Variants in ROBO2 observed in about 807,000 individuals in gnomAD.
ROBO2 encodes the protein roundabout homolog 2.
In ROBO2, 53 loss-of-function variants were observed where a neutral mutation model predicts 160.8. The ratio of observed to expected loss-of-function variants is 0.33; its 90% CI spans 0.26 to 0.41. ROBO2 has a LOEUF of 0.41. Among genes scored for constraint, ROBO2 ranks in the 10% least tolerant of loss-of-function variants. ROBO2 has a pLI of 1.00. For missense variants in ROBO2, 1,577 were observed against 1,722.4 expected, an observed-to-expected ratio of 0.92 and a Z score of 1.49; for synonymous variants, 664 against 611.7, an observed-to-expected ratio of 1.09 and a Z score of -1.26.
At chr3:76,276,869 G>C (rs1707955363) in intron 2 of ROBO2, among the ~76,000 whole-genome samples, 1 of 151,734 alleles carries the variant, frequency 6.6e-6, no homozygotes, top group South Asian at 2.1e-4. Context: ...AAATATTTCG[G>C]ATATTTTTGG....
chr3:77,582,486 A>G (rs951184105), intron 16 of ROBO2, among the ~76,000 whole-genome samples: 2 of 152,168 alleles, frequency 1.3e-5, no homozygotes, highest in African/African-American at 2.4e-5. Context: ...GTTTAGAATT[A>G]CTATCTTGCT....
At chr3:76,706,433 A>T (rs1289427114) in intron 2 of ROBO2, among the ~76,000 whole-genome samples, 1 of 152,016 alleles carries the variant, frequency 6.6e-6, no homozygotes, top group Admixed American at 6.6e-5. Flanking sequence ...TTGACTTTTG[A>T]GGTTGGAAAG....
At chr3:77,154,370 C>T (rs966922913) in intron 2 of ROBO2, among the ~76,000 whole-genome samples, 2 of 152,006 alleles carry the variant, frequency 1.3e-5, no homozygotes, top group Non-Finnish European at 2.9e-5. Flanking sequence ...TTTTTAGACG[C>T]TGGTGAGGCT....
At chr3:77,153,265 T>C (rs945219422) in intron 2 of ROBO2, among the ~76,000 whole-genome samples, 6 of 152,146 alleles carry the variant, frequency 3.9e-5, no homozygotes, top group African/African-American at 1.4e-4. Context: ...GAATTCAATA[T>C]CGTTACTGGT....
At chr3:76,024,384 A>T (rs917935405) in intron 2 of ROBO2, among the ~76,000 whole-genome samples, 23 of 150,556 alleles carry the variant, frequency 1.5e-4, no homozygotes, top group African/African-American at 5.1e-4. Context: ...TTTTTTTTTT[A>T]AAAACCTTGA....
At chr3:77,246,491 C>A (rs2089745751) in intron 2 of ROBO2, among the ~76,000 whole-genome samples, 2 of 152,028 alleles carry the variant, frequency 1.3e-5, no homozygotes, top group South Asian at 4.2e-4. Context: ...TGGGAGATCA[C>A]TTAGTGGTCA....
chr3:77,233,259 G>A (rs1397726089), intron 2 of ROBO2, among the ~76,000 whole-genome samples: 2 of 152,168 alleles, frequency 1.3e-5, no homozygotes, highest in African/African-American at 4.8e-5. Context: ...GGTGAAGCCT[G>A]ATTGTATTAT....
chr3:76,637,264 G>A (rs984169470), intron 2 of ROBO2, among the ~76,000 whole-genome samples: 1 of 152,076 alleles, frequency 6.6e-6, no homozygotes, highest in Non-Finnish European at 1.5e-5. Flanking sequence ...AAACCCTGGA[G>A]ATGTTGAGGT....
chr3:77,244,153 C>T (rs971232393), intron 2 of ROBO2, among the ~76,000 whole-genome samples: 3 of 152,120 alleles, frequency 2.0e-5, no homozygotes, highest in Non-Finnish European at 4.4e-5. Flanking sequence ...TAAAAGGCCT[C>T]AGGCTAAATT....
chr3:77,505,233 C>T (rs2088300701), intron 5 of ROBO2, among the ~76,000 whole-genome samples: 1 of 152,100 alleles, frequency 6.6e-6, no homozygotes, highest in Non-Finnish European at 1.5e-5. Flanking sequence ...GAAGTAGGCA[C>T]ACCTGGTAGG....
At chr3:76,377,457 G>T (rs75043556) in intron 2 of ROBO2, among the ~76,000 whole-genome samples, 6,939 of 152,188 alleles carry the variant, frequency 0.046, 407 homozygotes, top group African/African-American at 0.13. Flanking sequence ...AAAGTATTGG[G>T]CTTCTGAAAC....
At chr3:76,878,182 C>T (rs796155437) in intron 2 of ROBO2, among the ~76,000 whole-genome samples, 34 of 137,350 alleles carry the variant, frequency 2.5e-4, no homozygotes, top group East Asian at 1.1e-3. Flanking sequence ...TAATGCATGA[C>T]GTCTTCAAAA....
chr3:76,760,349 G>A (rs752036102), intron 2 of ROBO2, among the ~76,000 whole-genome samples: 5 of 151,524 alleles, frequency 3.3e-5, no homozygotes, highest in Non-Finnish European at 7.4e-5. Flanking sequence ...GCAAACTTTA[G>A]CCTCTGATTT....
At chr3:76,714,256 T>C (rs1478414447) in intron 2 of ROBO2, among the ~76,000 whole-genome samples, 2 of 152,044 alleles carry the variant, frequency 1.3e-5, no homozygotes, top group Non-Finnish European at 2.9e-5. Flanking sequence ...CCAGAAGTGG[T>C]GTTGCTGGTG....
chr3:76,374,023 G>A (rs2076228259), intron 2 of ROBO2, among the ~76,000 whole-genome samples: 1 of 151,934 alleles, frequency 6.6e-6, no homozygotes, highest in East Asian at 1.9e-4. Flanking sequence ...GATGGTAGGA[G>A]TTCCAAGAAC....
intron 2 of ROBO2, among the ~76,000 whole-genome samples, chr3:76,978,891 A>G (rs761406014): frequency 3.6e-4 from 54 of 151,794 alleles, no homozygotes; most frequent in Middle Eastern, 3.4e-3. Context: ...TTGTGTAAAT[A>G]TAAGGAGTAC....
chr3:77,183,592 T>C (rs2081004791), intron 2 of ROBO2, among the ~76,000 whole-genome samples: 1 of 152,038 alleles, frequency 6.6e-6, no homozygotes, highest in African/African-American at 2.4e-5. Flanking sequence ...GACCCCTTGA[T>C]CTTGAACTTC....
chr3:77,102,953 G>A (rs1009859273), intron 2 of ROBO2, among the ~76,000 whole-genome samples: 1 of 151,842 alleles, frequency 6.6e-6, no homozygotes, highest in African/African-American at 2.4e-5. Context: ...TTAGAAAACA[G>A]TTGCAGAGTT....
chr3:77,624,939 G>A (rs1234686129), intron 23 of ROBO2, among the ~76,000 whole-genome samples: 4 of 152,146 alleles, frequency 2.6e-5, no homozygotes, highest in African/African-American at 9.7e-5. Context: ...ACACTGGGAT[G>A]GGCTGGTAAG....
Sources: allele counts gnomAD v4.1 joint callset (sites outside exome capture counted in the v4.1 genomes callset), GRCh38; gene constraint gnomAD v4.1.1; transcripts MANE v1.5; gene names NCBI Gene and HGNC (gene_info 2026-07-23, HGNC 2026-07-21).